The following PSD3 variants were observed in gnomAD, a reference collection of about 807,000 sequenced individuals.
PSD3 encodes the protein pleckstrin and Sec7 domain containing 3.
In PSD3, 49 loss-of-function variants were observed where a neutral mutation model predicts 105.5. The ratio of observed to expected loss-of-function variants is 0.46; its 90% CI spans 0.37 to 0.59. The LOEUF is 0.59. PSD3 is among the 20% of genes least tolerant of loss of function. The probability of loss-of-function intolerance (pLI) is 0.00; values close to 1 mark genes in which losing one functional copy is unlikely to be tolerated. For synonymous variants in PSD3, 557 were observed against 457.8 expected (o/e 1.22, Z -2.77); for missense variants, 1,561 against 1,263.8 (o/e 1.24, Z -3.57).
intron 1 of PSD3, among the ~76,000 whole-genome samples, chr8:19,049,350 A>C (rs539467412): frequency 2.0e-5 from 3 of 152,254 alleles, no homozygotes; most frequent in African/African-American, 7.2e-5. Flanking sequence ...TGTTTGAATG[A>C]GCTCCCTGTG....
At chr8:18,611,362 T>C (rs188589540) in intron 11 of PSD3, among the ~76,000 whole-genome samples, 225 of 152,266 alleles carry the variant, frequency 1.5e-3, no homozygotes, top group African/African-American at 5.3e-3. Context: ...CTCAAAACAT[T>C]GCAAATGATC....
intron 4 of PSD3, among the ~76,000 whole-genome samples, chr8:18,856,252 T>A (rs1190655784): frequency 6.6e-6 from 1 of 152,166 alleles, no homozygotes; most frequent in Non-Finnish European, 1.5e-5. Flanking sequence ...GAAGCCTGGC[T>A]CTCTGGGCTC....
chr8:18,863,058 A>G (rs1449790773), intron 4 of PSD3, among the ~76,000 whole-genome samples: 3 of 152,220 alleles, frequency 2.0e-5, no homozygotes, highest in Non-Finnish European at 4.4e-5. Flanking sequence ...GGAAGCTTAG[A>G]TATAAAATAG....
At chr8:19,059,860 C>T (rs1387210483) in intron 1 of PSD3, among the ~76,000 whole-genome samples, 1 of 152,200 alleles carries the variant, frequency 6.6e-6, no homozygotes, top group African/African-American at 2.4e-5. Flanking sequence ...CTCTCCAGGG[C>T]ACCTACCAGG....
intron 1 of PSD3, among the ~76,000 whole-genome samples, chr8:19,007,328 C>A (rs1261494327): frequency 6.6e-6 from 1 of 152,016 alleles, no homozygotes; most frequent in Non-Finnish European, 1.5e-5. Context: ...AGCACTTTTG[C>A]TGTAAAGTTG....
intron 1 of PSD3, among the ~76,000 whole-genome samples, chr8:18,946,186 T>C (rs966731192): frequency 2.2e-4 from 33 of 152,298 alleles, no homozygotes; most frequent in African/African-American, 7.7e-4. Flanking sequence ...AAATTTTTTA[T>C]TGCTGAAAAA....
intron 1 of PSD3, among the ~76,000 whole-genome samples, chr8:18,991,461 G>A (rs922384480): frequency 9.2e-5 from 14 of 151,796 alleles, no homozygotes; most frequent in Non-Finnish European, 1.5e-5. Context: ...CCTGTGGCTA[G>A]GGTCAACTGT....
At chr8:19,023,767 T>C (rs748077) in intron 1 of PSD3, among the ~76,000 whole-genome samples, 42,832 of 152,046 alleles carry the variant, frequency 0.28, 7,200 homozygotes, top group East Asian at 0.4. Flanking sequence ...CTCTAGAACG[T>C]TTCCATGAAT....
At chr8:18,717,215 A>G (rs1319078523) in intron 9 of PSD3, among the ~76,000 whole-genome samples, 2 of 152,212 alleles carry the variant, frequency 1.3e-5, no homozygotes, top group Non-Finnish European at 2.9e-5. Flanking sequence ...AAAATTAACC[A>G]AATTACGTTT....
At position 18,890,171 on chromosome 8, in the gene PSD3, G is replaced by A. The variant is rs184328222; in HGVS notation, c.131-17438C>T. 2.0e-5 allele frequency among the ~76,000 whole-genome samples: 3 copies of A among 151,994 alleles called. No homozygotes were observed. The East Asian group carries it at 5.8e-4, about 29-fold the overall frequency. On this transcript the variant is annotated intron_variant, in intron 2 of 15. Transcript: ENST00000327040. ...CGTAGGAGACAATAAGATTACTGGA[G>A]GAACTGGTAACAATAATTCCTTATG...
At chr8:19,048,248 G>A (rs1016741768) in intron 1 of PSD3, among the ~76,000 whole-genome samples, 4 of 152,072 alleles carry the variant, frequency 2.6e-5, no homozygotes, top group Non-Finnish European at 5.9e-5. Flanking sequence ...AAGAGAGGTG[G>A]CCCCACCCTC....
intron 10 of PSD3, among the ~76,000 whole-genome samples, chr8:18,647,054 C>G (rs942426559): frequency 3.3e-5 from 5 of 152,180 alleles, no homozygotes; most frequent in African/African-American, 1.2e-4. Context: ...CATGCACACA[C>G]TCACACCTTC....
intron 14 of PSD3, among the ~76,000 whole-genome samples, chr8:18,560,477 T>C (rs1003981137): frequency 1.3e-5 from 2 of 152,112 alleles, no homozygotes; most frequent in Non-Finnish European, 2.9e-5. Context: ...AAATATTACA[T>C]TTGACAAAGA....
intron 10 of PSD3, 32 bp downstream of exon 10, chr8:18,655,610 A>C (rs200147819): frequency 1.2e-6 from 2 of 1,606,178 alleles, no homozygotes; most frequent in Non-Finnish European, 1.7e-6. Flanking sequence ...TGAGTAGTTC[A>C]TTATTAAAAG....
intron 2 of PSD3, among the ~76,000 whole-genome samples, chr8:18,921,017 T>C (rs997934648): frequency 6.6e-6 from 1 of 152,164 alleles, no homozygotes; most frequent in African/African-American, 2.4e-5. Flanking sequence ...AATTCTACCA[T>C]AACAGAAATT....
At chr8:18,951,173 T>A (rs372811980) in intron 1 of PSD3, among the ~76,000 whole-genome samples, 2 of 151,952 alleles carry the variant, frequency 1.3e-5, no homozygotes, top group African/African-American at 2.4e-5. Flanking sequence ...GGTGGGAAGG[T>A]TGCTTGAGCC....
intron 9 of PSD3, among the ~76,000 whole-genome samples, chr8:18,690,723 A>T (rs1701230368): frequency 6.6e-6 from 1 of 152,138 alleles, no homozygotes; most frequent in South Asian, 2.1e-4. Flanking sequence ...CCCAGAATAA[A>T]CACTTGGCCC....
At chr8:18,698,623 C>T (rs543852613) in intron 9 of PSD3, among the ~76,000 whole-genome samples, 1 of 152,172 alleles carries the variant, frequency 6.6e-6, no homozygotes, top group Non-Finnish European at 1.5e-5. Flanking sequence ...CCATTTTGGA[C>T]TTCTGACCTT....
chr8:18,696,385 T>A (rs1036192743), intron 9 of PSD3, among the ~76,000 whole-genome samples: 1 of 152,188 alleles, frequency 6.6e-6, no homozygotes, highest in African/African-American at 2.4e-5. Context: ...TTAGAGGAAG[T>A]AGTTAACTTG....
Sources: allele counts gnomAD v4.1 joint callset (sites outside exome capture counted in the v4.1 genomes callset), GRCh38; gene constraint gnomAD v4.1.1; transcripts MANE v1.5; gene names NCBI Gene and HGNC (gene_info 2026-07-23, HGNC 2026-07-21).